GPHN: variants seen among roughly 807,000 people sequenced by gnomAD.
The protein encoded by GPHN is gephyrin.
Under a neutral mutation model 95.5 loss-of-function variants are expected in GPHN, and 17 were observed. The ratio of observed to expected loss-of-function variants is 0.18; its 90% confidence interval spans 0.12 to 0.27. GPHN has a LOEUF of 0.27. Among genes scored for constraint, GPHN ranks in the 10% least tolerant of loss-of-function variants. The pLI is 1.00. For synonymous variants in GPHN, 320 were observed against 322.5 expected, an observed-to-expected ratio of 0.99 and a Z score of 0.08; for missense variants, 660 against 978.1, an observed-to-expected ratio of 0.67 and a Z score of 4.34.
At chr14:67,321,376 T>C in the GPHN span, 2 of 906,112 alleles carry the variant, frequency 2.2e-6, no homozygotes, top group Non-Finnish European at 3.4e-6. Flanking sequence ...TCTCATACGG[T>C]TTTTCCCACT....
intron 1 of GPHN, among the ~76,000 whole-genome samples, chr14:66,538,353 T>A (rs7143823): frequency 0.33 from 49,676 of 151,510 alleles, 11,966 homozygotes; most frequent in African/African-American, 0.66. Flanking sequence ...CTTGGAAAAA[T>A]TTGTATTTTA....
At chr14:67,459,645 G>A in the GPHN span, among the ~76,000 whole-genome samples, 230 of 152,334 alleles carry the variant, frequency 1.5e-3, 2 homozygotes, top group African/African-American at 5.3e-3. Context: ...CTGGTTACAC[G>A]TAAGCTTCTT....
At chr14:66,937,039 G>A (rs1186801370) in intron 8 of GPHN, among the ~76,000 whole-genome samples, 5 of 152,164 alleles carry the variant, frequency 3.3e-5, no homozygotes, top group Non-Finnish European at 7.3e-5. Flanking sequence ...GGAGCTTGCT[G>A]TCACCCATGT....
chr14:66,704,445 C>G (rs1389999863), intron 2 of GPHN, among the ~76,000 whole-genome samples: 2 of 151,952 alleles, frequency 1.3e-5, no homozygotes, highest in Non-Finnish European at 2.9e-5. Context: ...TGCAAAAGAA[C>G]TGAAATCATA....
chr14:67,123,361 A>C (rs1413075578), intron 17 of GPHN, among the ~76,000 whole-genome samples: 1 of 152,234 alleles, frequency 6.6e-6, no homozygotes, highest in African/African-American at 2.4e-5. Flanking sequence ...TCTTAGGCTC[A>C]CACTGGACAT....
chr14:67,589,618 G>A, the GPHN span: 202 of 985,740 alleles, frequency 2.0e-4, no homozygotes, highest in Non-Finnish European at 2.3e-4. Context: ...TGACAGACTC[G>A]TCTTTTGTAG....
chr14:67,390,573 G>T, the GPHN span: 10 of 913,914 alleles, frequency 1.1e-5, no homozygotes, highest in African/African-American at 3.2e-5. Context: ...GGGAAGGCAG[G>T]ATATCCAGCC....
intron 5 of GPHN, among the ~76,000 whole-genome samples, chr14:66,891,383 A>G (rs953905471): frequency 2.6e-5 from 4 of 152,140 alleles, no homozygotes; most frequent in Non-Finnish European, 5.9e-5. Flanking sequence ...AAGGGTGTCA[A>G]TTCAATGGGG....
At chr14:67,494,804 A>C in the GPHN span, among the ~76,000 whole-genome samples, 4 of 152,264 alleles carry the variant, frequency 2.6e-5, no homozygotes, top group African/African-American at 9.6e-5. Flanking sequence ...GCTACAGAAG[A>C]AGCACCAAAT....
At chr14:67,593,492 A>G in the GPHN span, 2 of 41,040 alleles carry the variant, frequency 4.9e-5, no homozygotes, top group African/African-American at 1.8e-3. Context: ...CCCTGTCTCA[A>G]AAAAAAAAAA....
the GPHN span, among the ~76,000 whole-genome samples, chr14:67,638,844 G>A: frequency 4.6e-5 from 7 of 152,300 alleles, no homozygotes; most frequent in South Asian, 2.1e-4. Flanking sequence ...CAAAATGCCC[G>A]TGCATAATTA....
At chr14:67,041,968 G>A (rs932905871) in intron 10 of GPHN, among the ~76,000 whole-genome samples, 1 of 152,092 alleles carries the variant, frequency 6.6e-6, no homozygotes, top group African/African-American at 2.4e-5. Flanking sequence ...CTAATGACCA[G>A]TGGTGATGAG....
At chr14:67,373,075 C>G in the GPHN span, among the ~76,000 whole-genome samples, 2 of 152,106 alleles carry the variant, frequency 1.3e-5, no homozygotes, top group African/African-American at 4.8e-5. Context: ...CTAACTGCTC[C>G]ACATTGCTCA....
At chr14:66,568,522 T>G in intron 1 of GPHN, among the ~76,000 whole-genome samples, 1 of 152,236 alleles carries the variant, frequency 6.6e-6, no homozygotes, top group East Asian at 1.9e-4. Context: ...TATTTTATTT[T>G]TAAATTTGAT....
chr14:67,116,075 G>A (rs1000672515), intron 16 of GPHN, among the ~76,000 whole-genome samples: 11 of 152,126 alleles, frequency 7.2e-5, no homozygotes, highest in African/African-American at 2.2e-4. Context: ...GCCGAGATGG[G>A]TAGATCACTT....
chr14:67,062,069 A>G (rs2075847064), intron 11 of GPHN, among the ~76,000 whole-genome samples: 1 of 152,294 alleles, frequency 6.6e-6, no homozygotes, highest in African/African-American at 2.4e-5. Context: ...AAATGCCCTA[A>G]TAAATAACAT....
chr14:67,163,832 C>A (rs1036188272), intron 19 of GPHN, among the ~76,000 whole-genome samples: 1 of 151,348 alleles, frequency 6.6e-6, no homozygotes, highest in East Asian at 1.9e-4. Context: ...AGCTAAAATT[C>A]TATATAAAGG....
chr14:66,925,209 G>A (rs113261868), intron 8 of GPHN, among the ~76,000 whole-genome samples: 79 of 152,116 alleles, frequency 5.2e-4, no homozygotes, highest in African/African-American at 1.6e-3. Context: ...GCATACAATG[G>A]GTAATAATCA....
the GPHN span, chr14:67,724,569 G>T: frequency 6.2e-6 from 10 of 1,613,614 alleles, no homozygotes; most frequent in Non-Finnish European, 7.6e-6. Context: ...GCAAGGAGAC[G>T]GCCAGAGAGC....
Sources: allele counts gnomAD v4.1 joint callset (sites outside exome capture counted in the v4.1 genomes callset), GRCh38; gene constraint gnomAD v4.1.1; transcripts MANE v1.5; gene names NCBI Gene and HGNC (gene_info 2026-07-23, HGNC 2026-07-21).